The following ZC3H7B variants were observed in gnomAD, a reference collection of about 807,000 sequenced individuals.
ZC3H7B encodes the protein zinc finger CCCH-type containing 7B, also known as zinc finger CCCH domain-containing protein 7B.
Under a neutral mutation model 116.0 loss-of-function variants are expected in ZC3H7B, and 35 were observed. That is an observed-to-expected ratio of 0.30 (90% CI 0.23 to 0.40). ZC3H7B has a LOEUF of 0.40. ZC3H7B is among the 10% of genes least tolerant of loss of function. The pLI is 1.00. For missense variants in ZC3H7B, 1,011 were observed against 1,321.5 expected (o/e 0.77, Z 3.64); for synonymous variants, 502 against 545.6 (o/e 0.92, Z 1.11).
At chr22:41,307,644 C>G (rs1352647120) in intron 1 of ZC3H7B, among the ~76,000 whole-genome samples, 1 of 152,154 alleles carries the variant, frequency 6.6e-6, no homozygotes, top group Admixed American at 6.5e-5. Context: ...AACAGCAGCC[C>G]CCATATGGTT....
At chr22:41,337,645 G>A (rs1352955064) in intron 7 of ZC3H7B, among the ~76,000 whole-genome samples, 2 of 152,192 alleles carry the variant, frequency 1.3e-5, no homozygotes, top group East Asian at 1.9e-4. Context: ...GGCCATCTGT[G>A]GTGCTGTGGG....
chr22:41,352,706 G>C (rs1417318444), intron 17 of ZC3H7B, among the ~76,000 whole-genome samples: 1 of 151,932 alleles, frequency 6.6e-6, no homozygotes, highest in African/African-American at 2.4e-5. Flanking sequence ...AGGTTGCAGT[G>C]AGCTGAGATC....
chr22:41,319,984 T>C (rs2036234098), intron 1 of ZC3H7B, among the ~76,000 whole-genome samples: 1 of 150,772 alleles, frequency 6.6e-6, no homozygotes, highest in Non-Finnish European at 1.5e-5. Flanking sequence ...TGAGCTGAGA[T>C]TGCATCACTG....
chr22:41,351,575 G>A lies in ZC3H7B; in HGVS notation c.1963G>A (p.Asp655Asn), dbSNP rs766338720. ...LQQYSGMTHE[D>N]IVQESKKYWQ... Reference sequence around the variant, plus strand: ...ACCCTCCCCAGGCATGACCCACGAAGACATCGTTCAGGAGTCTAAGAAGTA... The same window carrying A: ...ACCCTCCCCAGGCATGACCCACGAAAACATCGTTCAGGAGTCTAAGAAGTA... The change falls in exon 17 of 23, where the codon GAC becomes AAC. Residue 655 changes from aspartate to asparagine, a missense_variant. Transcript: ENST00000352645. The surrounding 1 kb of genome is among the most constrained non-coding windows in gnomAD (Gnocchi z 5.1). The A allele has an allele frequency of 1.2e-6, 2 of 1,613,820 alleles. No individual in the cohort carries two copies. Among genetic ancestry groups the A allele is most frequent in the Admixed American group, 3.3e-5 (2 of 60,008 alleles).
At chr22:41,326,117 C>G (rs528139404) in intron 4 of ZC3H7B, among the ~76,000 whole-genome samples, 199 bp downstream of exon 4, 1 of 152,170 alleles carries the variant, frequency 6.6e-6, no homozygotes, top group Admixed American at 6.6e-5. Context: ...TTTAAAAGTA[C>G]GGATGCATAA....
chr22:41,332,519 TC>T, intron 7 of ZC3H7B: 1 of 394,936 alleles, frequency 2.5e-6, no homozygotes, highest in Admixed American at 4.2e-5. Flanking sequence ...GCCCCACATT[TC>T]CTGCTGTGTT....
chr22:41,356,548 C>G, intron 21 of ZC3H7B, 72 bp downstream of exon 21: 1 of 1,608,986 alleles, frequency 6.2e-7, no homozygotes, highest in African/African-American at 1.3e-5. Context: ...GGAGGGGCAG[C>G]CTGGAGGGCC....
rs781331173 is a variant in ZC3H7B, at chr22:41,349,186, C to T, written c.1833C>T (p.His611=). 6 of 1,613,868 alleles carry T rather than the reference C, an allele frequency of 3.7e-6. No homozygotes were observed. Among genetic ancestry groups the T allele is most frequent in the Non-Finnish European group, 4.2e-6 (5 of 1,180,024 alleles). The change falls in exon 16 of 23, where the codon CAC becomes CAT. Residue 611 remains histidine (H), a synonymous_variant. Coordinates refer to ENST00000352645, the MANE Select transcript of ZC3H7B (RefSeq NM_017590.6). This position sits in a 1 kb window ranked among gnomAD's most constrained non-coding sequence, Gnocchi z 4.9. ...CCAAGATCCGCCAGTTCCAGGAGCACTTCCAGTTCGACGTGTGCCGCCATG... is the reference window on the plus strand; with the variant it reads ...CCAAGATCCGCCAGTTCCAGGAGCATTTCCAGTTCGACGTGTGCCGCCATG... ...KYSKIRQFQE[H]FQFDVCRHEV...
At position 41,349,022 on chromosome 22, in the gene ZC3H7B, C is replaced by T. The variant is rs1440219308; in HGVS notation, c.1767-98C>T. 2 of 1,345,612 alleles carry T rather than the reference C, an allele frequency of 1.5e-6. No homozygotes were observed. Among genetic ancestry groups the T allele is most frequent in the Non-Finnish European group, 2.0e-6 (2 of 980,924 alleles). 83.4% of individuals were successfully genotyped at this position (1,345,612 alleles called of 1,614,324 possible). ...ATTTGGTACATAGATCAGGGGGTGC[C>T]CAGGGAGAGCCTGGCACTGGGAAGG... On this transcript the variant is annotated intron_variant, in intron 15 of 22. Coordinates refer to ENST00000352645, the MANE Select transcript of ZC3H7B (RefSeq NM_017590.6). The surrounding 1 kb of genome is among the most constrained non-coding windows in gnomAD (Gnocchi z 4.9).
At chr22:41,335,652 A>C (rs912518503) in intron 7 of ZC3H7B, 2 of 152,362 alleles carry the variant, frequency 1.3e-5, no homozygotes, top group African/African-American at 4.8e-5. Flanking sequence ...CAGCCAATCT[A>C]TGGTGGGCAG....
chr22:41,344,091 T>TC (rs902861017), intron 13 of ZC3H7B, among the ~76,000 whole-genome samples: 1 of 152,216 alleles, frequency 6.6e-6, no homozygotes, highest in Non-Finnish European at 1.5e-5. Flanking sequence ...TTCTTTCTGG[T>TC]CCCAGCCAAG....
In ZC3H7B at chr22:41,357,042, A is replaced by G; in HGVS notation, c.2682-135A>G. 2.1e-6 allele frequency: 3 copies of G among 1,435,886 alleles called. No homozygotes were observed. The highest frequency in any genetic ancestry group is 2.8e-6 in the Non-Finnish European group (3 of 1,074,982). 88.9% of individuals were successfully genotyped at this position (1,435,886 alleles called of 1,614,324 possible). ...GATCCCAGAGAGGGTCAGGACACCC[A>G]GGTTTTCCCTGAGCTGGGACCCAGC... is the stretch of plus-strand genomic sequence containing the variant. On this transcript the variant is annotated intron_variant, in intron 22 of 22. Transcript: ENST00000352645. This position sits in a 1 kb window ranked among gnomAD's most constrained non-coding sequence, Gnocchi z 5.4.
At chr22:41,320,791 T>C in intron 2 of ZC3H7B, 78 bp downstream of exon 2, 1 of 1,583,058 alleles carries the variant, frequency 6.3e-7, no homozygotes, top group East Asian at 2.2e-5. Context: ...CTCCCAGCGC[T>C]CCCTTTTCTT....
intron 13 of ZC3H7B, among the ~76,000 whole-genome samples, chr22:41,345,587 A>G (rs1462573145): frequency 6.6e-6 from 1 of 151,716 alleles, no homozygotes; most frequent in Non-Finnish European, 1.5e-5. Context: ...CTCCATCTCA[A>G]AAAAAAAATC....
chr22:41,304,703 T>C (rs2036017513), intron 1 of ZC3H7B, among the ~76,000 whole-genome samples: 1 of 152,188 alleles, frequency 6.6e-6, no homozygotes, highest in Non-Finnish European at 1.5e-5. Context: ...AGGGAATTTC[T>C]GGGTTAGCCA....
chr22:41,345,978 C>T (rs746880874), intron 13 of ZC3H7B, 25 bp from the exon 14 acceptor site: 19 of 1,613,190 alleles, frequency 1.2e-5, no homozygotes, highest in East Asian at 2.2e-5. Context: ...CCTGGCGGAA[C>T]GTGTGTCCTG....
chr22:41,328,508 C>T (rs2036344269), intron 5 of ZC3H7B, among the ~76,000 whole-genome samples: 1 of 152,176 alleles, frequency 6.6e-6, no homozygotes, highest in Non-Finnish European at 1.5e-5. Context: ...GTCACAGTGT[C>T]TTCCTTGCCC....
chr22:41,339,117 A>G lies in ZC3H7B; in HGVS notation c.742A>G (p.Ser248Gly). 1.9e-6 allele frequency: 3 copies of G among 1,613,096 alleles called. No homozygotes were observed. Among genetic ancestry groups the G allele is most frequent in the Non-Finnish European group, 2.5e-6 (3 of 1,179,618 alleles). The stretch of plus-strand genomic sequence containing the variant: ...CCTGGACAGCAGCAGGACCCTCCCC[A>G]GCACCGACAGCCTGGATGACTTCTC... ...APLDSSRTLP[S>G]TDSLDDFSDG... The change falls in exon 9 of 23, where the codon AGC (serine) becomes GGC (glycine). Residue 248 changes from serine (S) to glycine (G), a missense_variant. Ser to Gly is a moderately conservative substitution (Grantham distance 56, BLOSUM62 0). Coordinates refer to ENST00000352645, the MANE Select transcript of ZC3H7B (RefSeq NM_017590.6).
chr22:41,338,882 T>C lies in ZC3H7B; in HGVS notation c.626-119T>C, dbSNP rs1429491409. 19 of 1,174,362 alleles carry C rather than the reference T, an allele frequency of 1.6e-5. No individual in the cohort carries two copies. The highest frequency in any genetic ancestry group is 2.2e-5 in the Non-Finnish European group (19 of 854,106). The allele number at this position is 1,174,362 out of a possible 1,614,324, so 72.7% of individuals were successfully genotyped here. A position where few individuals can be genotyped will look rare whatever the true frequency, so the allele number is the denominator to read the frequency against. ...GATCAGCCGATGGGGAAGGCAGGGCTCCTGGCAAGAGCTGAAAGAAGAAGG... is the reference window on the plus strand; with the variant it reads ...GATCAGCCGATGGGGAAGGCAGGGCCCCTGGCAAGAGCTGAAAGAAGAAGG... On this transcript the variant is annotated intron_variant, in intron 8 of 22. Transcript: ENST00000352645. The surrounding 1 kb of genome is among the most constrained non-coding windows in gnomAD (Gnocchi z 4.5).
Sources: gnomAD v4.1 joint callset for allele counts (sites outside exome capture counted in the v4.1 genomes callset) on GRCh38, gnomAD v4.1.1 for gene constraint, Gnocchi (gnomAD v3.1) non-coding constraint, MANE v1.5 for transcripts, NCBI Gene and HGNC (gene_info 2026-07-23, HGNC 2026-07-21) for gene names.